Variants in ENOPH1 observed in about 807,000 individuals in gnomAD.
The protein encoded by ENOPH1 is enolase-phosphatase E1.
ENOPH1 carries 14 observed loss-of-function variants against 31.1 expected under a neutral mutation model. The ratio of observed to expected loss-of-function variants is 0.45; its 90% CI spans 0.30 to 0.70. ENOPH1 has a LOEUF of 0.70. Ranked by LOEUF, ENOPH1 falls within the 30% of genes least tolerant of loss-of-function variation. The pLI, the probability that ENOPH1 is intolerant of heterozygous loss-of-function variation, is 0.09. For missense variants in ENOPH1, 243 were observed against 321.5 expected (o/e 0.76, Z 1.87); for synonymous variants, 127 against 123.2 (o/e 1.03, Z -0.21).
At chr4:82,458,910 C>T (rs908521807) in intron 5 of ENOPH1, among the ~76,000 whole-genome samples, 2 of 151,852 alleles carry the variant, frequency 1.3e-5, no homozygotes, top group African/African-American at 4.9e-5. Context: ...AGAAAGCAGG[C>T]ACTTGAGGAG....
chr4:82,443,555 C>T (rs1429200997), intron 1 of ENOPH1, among the ~76,000 whole-genome samples: 6 of 150,712 alleles, frequency 4.0e-5, no homozygotes, highest in South Asian at 4.2e-4. Flanking sequence ...GGTGAAACCC[C>T]GTCTCTACTA....
At chr4:82,435,584 C>T (rs1721885294) in intron 1 of ENOPH1, among the ~76,000 whole-genome samples, 1 of 152,134 alleles carries the variant, frequency 6.6e-6, no homozygotes, top group South Asian at 2.1e-4. Context: ...ATGAAAACTG[C>T]TATATTAAAT....
chr4:82,449,196 C>T (rs1722280737), intron 2 of ENOPH1, among the ~76,000 whole-genome samples: 2 of 151,904 alleles, frequency 1.3e-5, no homozygotes, highest in Non-Finnish European at 1.5e-5. Flanking sequence ...GCCGAGATGG[C>T]GCCACTGCAC....
intron 1 of ENOPH1, among the ~76,000 whole-genome samples, chr4:82,440,864 T>G (rs1406618220): frequency 6.6e-6 from 1 of 152,212 alleles, no homozygotes; most frequent in East Asian, 1.9e-4. Context: ...TTCCTAAGCT[T>G]TCAGTTTTCA....
chr4:82,446,279 G>T (rs1246504411), intron 1 of ENOPH1, among the ~76,000 whole-genome samples: 1 of 151,986 alleles, frequency 6.6e-6, no homozygotes, highest in Non-Finnish European at 1.5e-5. Context: ...TTAGCCGGGT[G>T]TGGTGGCAGG....
intron 1 of ENOPH1, among the ~76,000 whole-genome samples, chr4:82,433,706 T>C (rs2110035879): frequency 6.6e-6 from 1 of 152,316 alleles, no homozygotes; most frequent in Non-Finnish European, 1.5e-5. Flanking sequence ...TTGCAAGACT[T>C]CTCAGAACCT....
At chr4:82,459,091 A>G (rs1722574573) in intron 5 of ENOPH1, among the ~76,000 whole-genome samples, 2 of 152,264 alleles carry the variant, frequency 1.3e-5, no homozygotes, top group South Asian at 2.1e-4. Flanking sequence ...GGATTTATAT[A>G]TATATATTCC....
chr4:82,455,725 A>G (rs975339975), intron 4 of ENOPH1, among the ~76,000 whole-genome samples: 4 of 151,948 alleles, frequency 2.6e-5, no homozygotes, highest in Non-Finnish European at 2.9e-5. Flanking sequence ...GGCGGAGCTT[A>G]CAGTGAGCTG....
intron 1 of ENOPH1, among the ~76,000 whole-genome samples, chr4:82,433,657 G>A (rs1477505356): frequency 6.6e-6 from 1 of 152,120 alleles, no homozygotes; most frequent in African/African-American, 2.4e-5. Flanking sequence ...TGCACTTTTG[G>A]GAAATGCTAG....
intron 4 of ENOPH1, among the ~76,000 whole-genome samples, chr4:82,456,409 G>C (rs1722492061): frequency 6.6e-6 from 1 of 151,936 alleles, no homozygotes; most frequent in East Asian, 1.9e-4. Flanking sequence ...TTTCCAAGAG[G>C]GCAGAGACAT....
At chr4:82,452,634 T>C (rs1722379334) in intron 3 of ENOPH1, among the ~76,000 whole-genome samples, 4 of 152,126 alleles carry the variant, frequency 2.6e-5, no homozygotes, top group African/African-American at 9.7e-5. Context: ...TTGTCCAGGA[T>C]GGAGTGCATT....
intron 1 of ENOPH1, among the ~76,000 whole-genome samples, chr4:82,442,830 G>T (rs976809912): frequency 2.0e-5 from 3 of 152,144 alleles, no homozygotes; most frequent in Non-Finnish European, 2.9e-5. Flanking sequence ...AGTTAATTTT[G>T]TTTGTTGTTG....
chr4:82,439,068 G>C (rs1359934504), intron 1 of ENOPH1, among the ~76,000 whole-genome samples: 3 of 152,166 alleles, frequency 2.0e-5, no homozygotes, highest in African/African-American at 7.2e-5. Flanking sequence ...AAAGTTGGTA[G>C]CTTTATCCTC....
chr4:82,436,314 A>G (rs192158946), intron 1 of ENOPH1, among the ~76,000 whole-genome samples: 116 of 152,262 alleles, frequency 7.6e-4, no homozygotes, highest in Non-Finnish European at 1.3e-3. Context: ...GTAGTACGTG[A>G]GAGGATTTTT....
At chr4:82,452,397 C>T (rs1029010700) in intron 3 of ENOPH1, among the ~76,000 whole-genome samples, 4 of 152,140 alleles carry the variant, frequency 2.6e-5, no homozygotes, top group African/African-American at 9.7e-5. Context: ...CAACTTCTAC[C>T]TCCTGGGTTC....
chr4:82,432,007 C>T (rs1379404626), intron 1 of ENOPH1, among the ~76,000 whole-genome samples: 1 of 151,280 alleles, frequency 6.6e-6, no homozygotes, highest in Non-Finnish European at 1.5e-5. Flanking sequence ...CCTCTACCTC[C>T]TTGGGCTTAA....
At chr4:82,439,785 T>C (rs139356753) in intron 1 of ENOPH1, among the ~76,000 whole-genome samples, 199 of 152,216 alleles carry the variant, frequency 1.3e-3, no homozygotes, top group African/African-American at 4.6e-3. Flanking sequence ...TGAATATATT[T>C]TGAAGGTAGA....
intron 2 of ENOPH1, among the ~76,000 whole-genome samples, chr4:82,449,178 T>C (rs1369425916): frequency 6.6e-6 from 1 of 151,876 alleles, no homozygotes; most frequent in Non-Finnish European, 1.5e-5. Context: ...AGGTGAAGGT[T>C]GTAGTGAGCC....
chr4:82,442,388 CA>C (rs1272095607), intron 1 of ENOPH1, among the ~76,000 whole-genome samples: 3 of 152,180 alleles, frequency 2.0e-5, no homozygotes, highest in Middle Eastern at 3.4e-3. Flanking sequence ...GGCGTGGTGG[CA>C]CACACCTGTA....
Sources: gnomAD v4.1 joint callset for allele counts (sites outside exome capture counted in the v4.1 genomes callset) on GRCh38, gnomAD v4.1.1 for gene constraint, MANE v1.5 for transcripts, NCBI Gene and HGNC (gene_info 2026-07-23, HGNC 2026-07-21) for gene names.